The following KIRREL3 variants were observed in gnomAD, a reference collection of about 807,000 sequenced individuals.
KIRREL3 encodes the protein kin of IRRE-like protein 3.
In KIRREL3, 36 loss-of-function variants were observed where a neutral mutation model predicts 89.7. That is an observed-to-expected ratio of 0.40 (90% CI 0.31 to 0.53). KIRREL3 has a LOEUF of 0.53. Ranked by LOEUF, KIRREL3 falls within the 20% of genes least tolerant of loss-of-function variation. The pLI is 0.49. For synonymous variants in KIRREL3, 445 were observed against 441.4 expected, an observed-to-expected ratio of 1.01 and a Z score of -0.10; for missense variants, 864 against 1,056.6, an observed-to-expected ratio of 0.82 and a Z score of 2.53.
At chr11:126,845,083 A>C (rs779425085) in intron 1 of KIRREL3, among the ~76,000 whole-genome samples, 25 of 152,144 alleles carry the variant, frequency 1.6e-4, no homozygotes, top group Non-Finnish European at 1.9e-4. Context: ...ATTAACGATG[A>C]TGGGGCCCAA....
rs544719809 is a variant in KIRREL3, at chr11:126,773,320, C to T, written c.56-210408G>A. 2.0e-5 allele frequency among the ~76,000 whole-genome samples: 3 copies of T among 152,154 alleles called. No individual in the cohort carries two copies. Among genetic ancestry groups the T allele is most frequent in the African/African-American group, 4.8e-5 (2 of 41,486 alleles). ...TCGGCTTTGTCCCATCAGTTCAGGGCCAGAGTAGAACAAAAGGCTGGCCTC... is the reference window on the plus strand; with the variant it reads ...TCGGCTTTGTCCCATCAGTTCAGGGTCAGAGTAGAACAAAAGGCTGGCCTC... On this transcript the variant is annotated intron_variant, in intron 1 of 16. Coordinates refer to ENST00000525144, the MANE Select transcript of KIRREL3 (RefSeq NM_032531.4). The surrounding 1 kb of genome is among the most constrained non-coding windows in gnomAD (Gnocchi z 4.2).
intron 1 of KIRREL3, among the ~76,000 whole-genome samples, chr11:126,848,268 T>TA (rs2134551563): frequency 6.6e-6 from 1 of 152,348 alleles, no homozygotes; most frequent in African/African-American, 2.4e-5. Context: ...GTGAAATAAT[T>TA]ATTCTTGCTG....
intron 1 of KIRREL3, among the ~76,000 whole-genome samples, chr11:126,967,726 A>G (rs1459457136): frequency 6.6e-6 from 1 of 152,092 alleles, no homozygotes; most frequent in Non-Finnish European, 1.5e-5. Context: ...TGAAAATGGT[A>G]GTGGTTCTCA....
rs954304156 is a variant in KIRREL3, at chr11:126,645,798, T to C, written c.56-82886A>G. 7.2e-5 allele frequency among the ~76,000 whole-genome samples: 11 copies of C among 152,194 alleles called. No individual in the cohort carries two copies. Among genetic ancestry groups the C allele is most frequent in the African/African-American group, 2.7e-4 (11 of 41,448 alleles). Reference sequence around the variant, plus strand: ...ACCACATTTAATTAAATGCCTACATTACTGCTTCCTCACACACCTTATTTT... The same window carrying C: ...ACCACATTTAATTAAATGCCTACATCACTGCTTCCTCACACACCTTATTTT... On this transcript the variant is annotated intron_variant, in intron 1 of 16. Coordinates refer to ENST00000525144, the MANE Select transcript of KIRREL3 (RefSeq NM_032531.4). This position sits in a 1 kb window ranked among gnomAD's most constrained non-coding sequence, Gnocchi z 4.9.
At position 126,776,080 on chromosome 11, in the gene KIRREL3, C is replaced by G. The variant is rs1431732477; in HGVS notation, c.56-213168G>C. Among the ~76,000 whole-genome samples the G allele has an allele frequency of 1.3e-5, 2 of 152,154 alleles. No homozygotes were observed. Among genetic ancestry groups the G allele is most frequent in the Non-Finnish European group, 2.9e-5 (2 of 68,030 alleles). On this transcript the variant is annotated intron_variant, in intron 1 of 16. Transcript: ENST00000525144. The surrounding 1 kb of genome is among the most constrained non-coding windows in gnomAD (Gnocchi z 4.7). Reference sequence around the variant, plus strand: ...TCCCCCAGAGGGAAGTCAGGCCTGGCCTGGGGATTGTGGGGTGACCTTCGC... The same window carrying G: ...TCCCCCAGAGGGAAGTCAGGCCTGGGCTGGGGATTGTGGGGTGACCTTCGC...
rs1739081734 is a variant in KIRREL3, at chr11:126,689,064, G to T, written c.56-126152C>A. On this transcript the variant is annotated intron_variant, in intron 1 of 16. Transcript: ENST00000525144. This position sits in a 1 kb window ranked among gnomAD's most constrained non-coding sequence, Gnocchi z 5.2. ...GAGAAGAGAGAGAGAGAGAGAGAGA[G>T]AGAGAGAGAGAGAGAGAGTATTGTA... Among the ~76,000 whole-genome samples, 1 of 151,704 alleles carries T rather than the reference G, an allele frequency of 6.6e-6. No individual in the cohort carries two copies. The highest frequency in any genetic ancestry group is 1.5e-5 in the Non-Finnish European group (1 of 67,940).
chr11:126,711,020 A>T (rs1485187508), intron 1 of KIRREL3, among the ~76,000 whole-genome samples: 1 of 152,182 alleles, frequency 6.6e-6, no homozygotes. Context: ...AGGAGAACTA[A>T]GTTCACTTTC....
Position 126,471,121 on chromosome 11 carries a change from G to T in KIRREL3, c.591+2188C>A, listed in dbSNP as rs565420551. On this transcript the variant is annotated intron_variant, in intron 5 of 16. Transcript: ENST00000525144. The surrounding 1 kb of genome is among the most constrained non-coding windows in gnomAD (Gnocchi z 5.4). ...TCCTGTAATCCCAGCACTTTGGGAG[G>T]CTGAGGCAGGTGGATCACCTGAGGT... Among the ~76,000 whole-genome samples the T allele has an allele frequency of 6.6e-6, 1 of 152,176 alleles. No individual in the cohort carries two copies. The highest frequency in any genetic ancestry group is 2.4e-5 in the African/African-American group (1 of 41,442).
intron 1 of KIRREL3, among the ~76,000 whole-genome samples, chr11:126,845,028 A>G (rs1406832247): frequency 1.3e-5 from 2 of 152,072 alleles, no homozygotes; most frequent in African/African-American, 2.4e-5. Flanking sequence ...CAGGGCAACC[A>G]TCTTGGCCAG....
At position 126,704,155 on chromosome 11, in the gene KIRREL3, A is replaced by G. The variant is rs1947424054; in HGVS notation, c.56-141243T>C. Among the ~76,000 whole-genome samples, 1 of 152,252 alleles carries G rather than the reference A, an allele frequency of 6.6e-6. No homozygotes were observed. The highest frequency in any genetic ancestry group is 6.5e-5 in the Admixed American group (1 of 15,284). Reference sequence around the variant, plus strand: ...ATATGTATGCCCAGAAGGCTGTCACACAATCTTGCACACACCCACACATTT... The same window carrying G: ...ATATGTATGCCCAGAAGGCTGTCACGCAATCTTGCACACACCCACACATTT... On this transcript the variant is annotated intron_variant, in intron 1 of 16. Transcript: ENST00000525144. This position sits in a 1 kb window ranked among gnomAD's most constrained non-coding sequence, Gnocchi z 4.2.
intron 3 of KIRREL3, among the ~76,000 whole-genome samples, chr11:126,524,514 G>T (rs1433443717): frequency 6.6e-6 from 1 of 152,192 alleles, no homozygotes; most frequent in Non-Finnish European, 1.5e-5. Flanking sequence ...TCTCCCTCCG[G>T]ATCGCTGTAG....
At chr11:126,718,973 C>A (rs1331837676) in intron 1 of KIRREL3, among the ~76,000 whole-genome samples, 1 of 152,190 alleles carries the variant, frequency 6.6e-6, no homozygotes, top group Admixed American at 6.5e-5. Context: ...TCATCATTCC[C>A]CCTTTATTTA....
At chr11:126,749,295 T>C (rs1557488) in intron 1 of KIRREL3, among the ~76,000 whole-genome samples, 127,311 of 152,178 alleles carry the variant, frequency 0.84, 53,409 homozygotes, top group East Asian at 1. Context: ...CTCTCTCGCT[T>C]TCTCCCGATA....
chr11:126,931,523 C>G lies in KIRREL3; in HGVS notation c.55+68932G>C, dbSNP rs1289930743. 6.6e-6 allele frequency among the ~76,000 whole-genome samples: 1 copy of G among 152,198 alleles called. No homozygotes were observed. On this transcript the variant is annotated intron_variant, in intron 1 of 16. Transcript: ENST00000525144. This position sits in a 1 kb window ranked among gnomAD's most constrained non-coding sequence, Gnocchi z 5.1. Reference sequence around the variant, plus strand: ...CCAGACTTTGAGACAATCTTAAATACGTTCTTCTGAAGGCTCCCTTAAGTA... The same window carrying G: ...CCAGACTTTGAGACAATCTTAAATAGGTTCTTCTGAAGGCTCCCTTAAGTA...
At chr11:126,941,063 C>A (rs1432834191) in intron 1 of KIRREL3, 1 of 152,154 alleles carries the variant, frequency 6.6e-6, no homozygotes, top group Non-Finnish European at 1.5e-5. Context: ...GAGAATTGAT[C>A]TAGATAATTC....
chr11:126,473,503 C>A, intron 4 of KIRREL3, 37 bp from the exon 5 acceptor site: 2 of 1,500,812 alleles, frequency 1.3e-6, no homozygotes, highest in African/African-American at 1.4e-5. Context: ...GGCCGAGGCT[C>A]CCACCTCGGG....
rs1324761115 is a variant in KIRREL3 at position 126,427,843 on chromosome 11, CTG to C, written c.1806+1334_1806+1335del. Among the ~76,000 whole-genome samples the C allele has an allele frequency of 6.6e-6, 1 of 152,166 alleles. No homozygotes were observed. The highest frequency in any genetic ancestry group is 1.5e-5 in the Non-Finnish European group (1 of 68,032). ...AAGGCTGAGACCAACTGGGAGGCTG[CTG>C]TAATCATCCAGGGGAGCAATGATGA... On this transcript the variant is annotated intron_variant, in intron 15 of 16. Transcript: ENST00000525144. The surrounding 1 kb of genome is among the most constrained non-coding windows in gnomAD (Gnocchi z 5.3).
chr11:126,853,139 G>A (rs953439264), intron 1 of KIRREL3, among the ~76,000 whole-genome samples: 16 of 152,126 alleles, frequency 1.1e-4, no homozygotes, highest in African/African-American at 3.6e-4. Context: ...CAATCAAACT[G>A]TGTATACTGC....
rs1316877478 is a variant in KIRREL3, at chr11:126,564,708, C to T, written c.56-1796G>A. 2.0e-5 allele frequency among the ~76,000 whole-genome samples: 3 copies of T among 152,308 alleles called. No homozygotes were observed. Among genetic ancestry groups the T allele is most frequent in the African/African-American group, 7.2e-5 (3 of 41,580 alleles). ...TCGCAGGCCTCATGGATCAAAGCCC[C>T]TTTGATGTTTACTTACTGTATTTGT... On this transcript the variant is annotated intron_variant, in intron 1 of 16. Coordinates refer to ENST00000525144, the MANE Select transcript of KIRREL3 (RefSeq NM_032531.4). This position sits in a 1 kb window ranked among gnomAD's most constrained non-coding sequence, Gnocchi z 7.4.
Sources: allele counts gnomAD v4.1 joint callset (sites outside exome capture counted in the v4.1 genomes callset), GRCh38; gene constraint gnomAD v4.1.1; non-coding constraint Gnocchi (gnomAD v3.1); transcripts MANE v1.5; gene names NCBI Gene and HGNC (gene_info 2026-07-23, HGNC 2026-07-21).